The following CAMK2D variants were observed in gnomAD, a reference collection of about 807,000 sequenced individuals.
CAMK2D encodes the protein calcium/calmodulin dependent protein kinase II delta, also known as calcium/calmodulin-dependent protein kinase type II subunit delta.
A neutral mutation model predicts 84.0 loss-of-function variants in CAMK2D; 37 were observed. That is an observed-to-expected ratio of 0.44 (90% CI 0.34 to 0.58). CAMK2D has a LOEUF of 0.58. Among genes scored for constraint, CAMK2D ranks in the 20% least tolerant of loss-of-function variants. The pLI is 0.02. For missense variants in CAMK2D, 448 were observed against 652.5 expected (o/e 0.69, Z 3.41); for synonymous variants, 202 against 212.5 (o/e 0.95, Z 0.43).
intron 2 of CAMK2D, among the ~76,000 whole-genome samples, chr4:113,712,789 G>GA (rs1254302482): frequency 6.6e-6 from 1 of 151,528 alleles, no homozygotes; most frequent in Non-Finnish European, 1.5e-5. Flanking sequence ...AAAAAAAAGG[G>GA]AAAAAAAGTC....
intron 2 of CAMK2D, among the ~76,000 whole-genome samples, chr4:113,747,305 C>CTTT (rs56062730): frequency 0.11 from 12,165 of 114,444 alleles, 1,064 homozygotes; most frequent in African/African-American, 0.24. Context: ...GAATTTTGAA[C>CTTT]TTTTTTTTTT....
In CAMK2D at chr4:113,552,324, C is replaced by T. The variant is rs2285707; in HGVS notation, c.276-228G>A. ...ACATGAGGTCACAATTTTCTGTATG[C>T]CATAAATATAGTAGGCAATATCTTT... On this transcript the variant is annotated intron_variant, in intron 4 of 20. Transcript: ENST00000511664. Among the ~76,000 whole-genome samples the T allele has an allele frequency of 4.4e-4, 67 of 152,234 alleles. No homozygotes were observed. In the East Asian group the frequency reaches 0.012, roughly 27 times the overall value.
intron 2 of CAMK2D, among the ~76,000 whole-genome samples, chr4:113,706,539 A>G (rs529951559): frequency 6.6e-6 from 1 of 152,316 alleles, no homozygotes; most frequent in East Asian, 1.9e-4. Context: ...TATAAACTAT[A>G]TAGGCTCTGA....
chr4:113,669,417 C>CT (rs2099270639), intron 2 of CAMK2D, among the ~76,000 whole-genome samples: 1 of 152,222 alleles, frequency 6.6e-6, no homozygotes, highest in African/African-American at 2.4e-5. Flanking sequence ...CTGAATTGAG[C>CT]TTTTATCCCT....
chr4:113,761,625 C>G lies in CAMK2D; in HGVS notation c.-557G>C. On this transcript the variant is annotated 5_prime_UTR_variant, in exon 1 of 21. Coordinates refer to ENST00000511664, the MANE Select transcript of CAMK2D (RefSeq NM_001321571.2). Reference sequence around the variant, plus strand: ...CCGGGGCTCCGACGAGCGTGCGCGCCCGAGGCCGGCTTCCCTCCGGCGGGC... The same window carrying G: ...CCGGGGCTCCGACGAGCGTGCGCGCGCGAGGCCGGCTTCCCTCCGGCGGGC... The G allele has an allele frequency of 2.0e-6, 2 of 985,194 alleles. No homozygotes were observed. The highest frequency in any genetic ancestry group is 2.4e-6 in the Non-Finnish European group (2 of 829,874). 61.0% of individuals were successfully genotyped at this position (985,194 alleles called of 1,614,324 possible).
At chr4:113,565,042 T>G (rs1378698249) in intron 4 of CAMK2D, among the ~76,000 whole-genome samples, 5 of 152,198 alleles carry the variant, frequency 3.3e-5, no homozygotes, top group African/African-American at 1.2e-4. Flanking sequence ...TGAAAGCAGT[T>G]AAGTCAGTTC....
At chr4:113,702,248 C>CT (rs2099421077) in intron 2 of CAMK2D, among the ~76,000 whole-genome samples, 1 of 152,184 alleles carries the variant, frequency 6.6e-6, no homozygotes, top group Non-Finnish European at 1.5e-5. Context: ...CTCATAACTT[C>CT]TTTAGAACAA....
chr4:113,549,088 A>G (rs2098605008), intron 5 of CAMK2D, among the ~76,000 whole-genome samples: 1 of 152,240 alleles, frequency 6.6e-6, no homozygotes, highest in Admixed American at 6.5e-5. Context: ...CTTCAGAGAT[A>G]TAAAATTTCC....
At chr4:113,509,945 A>G (rs1044515351) in intron 12 of CAMK2D, among the ~76,000 whole-genome samples, 1 of 152,166 alleles carries the variant, frequency 6.6e-6, no homozygotes, top group African/African-American at 2.4e-5. Context: ...ATTGGACTTT[A>G]TTTCACTGTT....
chr4:113,607,402 C>T (rs984217400), intron 4 of CAMK2D, among the ~76,000 whole-genome samples: 4 of 152,128 alleles, frequency 2.6e-5, no homozygotes, highest in Non-Finnish European at 5.9e-5. Flanking sequence ...ACCTGTCAGG[C>T]CTCTGAGCCC....
intron 4 of CAMK2D, among the ~76,000 whole-genome samples, chr4:113,593,251 T>C (rs2154252964): frequency 6.6e-6 from 1 of 152,318 alleles, no homozygotes; most frequent in Admixed American, 6.5e-5. Context: ...TTAGAACAAG[T>C]AAAATACTGA....
chr4:113,734,895 G>GAAA (rs59263885), intron 2 of CAMK2D, among the ~76,000 whole-genome samples: 6,608 of 114,684 alleles, frequency 0.058, 486 homozygotes, highest in African/African-American at 0.18. Context: ...TAGGAAAATG[G>GAAA]AAAAAAAAAA....
chr4:113,655,624 C>T (rs2057720), intron 3 of CAMK2D, among the ~76,000 whole-genome samples: 25,344 of 151,970 alleles, frequency 0.17, 3,338 homozygotes, highest in African/African-American at 0.35. Flanking sequence ...AAAATGTAAA[C>T]ACAAGTCTTT....
intron 3 of CAMK2D, among the ~76,000 whole-genome samples, chr4:113,620,621 C>T (rs1020125142): frequency 3.3e-5 from 5 of 151,686 alleles, no homozygotes; most frequent in African/African-American, 1.2e-4. Flanking sequence ...AATTCTCCTG[C>T]CTCAGCCTCC....
intron 7 of CAMK2D, among the ~76,000 whole-genome samples, chr4:113,534,374 T>C (rs1268086762): frequency 1.3e-5 from 2 of 152,186 alleles, no homozygotes; most frequent in African/African-American, 4.8e-5. Context: ...TCTCCCAAGT[T>C]TAGACACTCT....
At position 113,476,876 on chromosome 4, in the gene CAMK2D, C is replaced by T. The variant is rs192459182; in HGVS notation, c.1136-11272G>A. Among the ~76,000 whole-genome samples, 26 of 152,228 alleles carry T rather than the reference C, an allele frequency of 1.7e-4. No homozygotes were observed. In the East Asian group the frequency reaches 2.7e-3, roughly 16 times the overall value. ...ACTCATACAAAGGAACTGACTCAAC[C>T]GGTCCTGCAACCCCCACCCAGAAAC... is the stretch of plus-strand genomic sequence containing the variant. On this transcript the variant is annotated intron_variant, in intron 16 of 20. Coordinates refer to ENST00000511664, the MANE Select transcript of CAMK2D (RefSeq NM_001321571.2).
At chr4:113,485,536 C>G (rs576654041) in intron 16 of CAMK2D, among the ~76,000 whole-genome samples, 1 of 152,322 alleles carries the variant, frequency 6.6e-6, no homozygotes, top group East Asian at 1.9e-4. Flanking sequence ...ATGTATCTCC[C>G]TTTAGACATA....
intron 4 of CAMK2D, among the ~76,000 whole-genome samples, chr4:113,584,571 T>C (rs866133461): frequency 6.6e-6 from 1 of 152,118 alleles, no homozygotes; most frequent in Non-Finnish European, 1.5e-5. Flanking sequence ...TGGTTTCAGG[T>C]GGTGGGAACA....
intron 8 of CAMK2D, among the ~76,000 whole-genome samples, chr4:113,523,772 G>GAAATAAATAAAT (rs201909658): frequency 4.6e-5 from 7 of 151,024 alleles, no homozygotes; most frequent in Admixed American, 3.3e-4. Flanking sequence ...ACCCTGTCTC[G>GAAATAAATAAAT]AAATAAATAA....
Sources: allele counts gnomAD v4.1 joint callset (sites outside exome capture counted in the v4.1 genomes callset), GRCh38; gene constraint gnomAD v4.1.1; transcripts MANE v1.5; gene names NCBI Gene and HGNC (gene_info 2026-07-23, HGNC 2026-07-21).